ZRANB3: variants seen among roughly 807,000 people sequenced by gnomAD.
ZRANB3 encodes zinc finger RANBP2-type containing 3.
A neutral mutation model predicts 133.8 loss-of-function variants in ZRANB3; 125 were observed. The ratio of observed to expected loss-of-function variants is 0.93; its 90% CI spans 0.81 to 1.08. ZRANB3 has a LOEUF of 1.08. ZRANB3 is among the 50% of genes least tolerant of loss of function. ZRANB3 has a pLI of 0.00. For missense variants in ZRANB3, 1,229 were observed against 1,275.5 expected (o/e 0.96, Z 0.56); for synonymous variants, 387 against 432.7 (o/e 0.89, Z 1.31).
At chr2:135,286,919 AT>A (rs1371231193) in intron 8 of ZRANB3, among the ~76,000 whole-genome samples, 4 of 152,010 alleles carry the variant, frequency 2.6e-5, no homozygotes, top group Non-Finnish European at 5.9e-5. Flanking sequence ...AAGCTTTTAC[AT>A]TTATTTAAGT....
At chr2:135,276,268 G>A (rs1235243904) in intron 8 of ZRANB3, among the ~76,000 whole-genome samples, 2 of 147,740 alleles carry the variant, frequency 1.4e-5, no homozygotes, top group African/African-American at 5.0e-5. Context: ...AAGAAACTTA[G>A]GTAGACTTAC....
Position 135,315,474 on chromosome 2 carries a change from A to C in ZRANB3, c.734T>G (p.Leu245Arg). ...DCRGASNLNE[L>R]HQLLSDIMIR... Reference sequence around the variant, plus strand: ...CATTATGTCACTTAATAGCTGGTGAAGTTCATTAAGATTTGATGCCCCTCT... The same window carrying C: ...CATTATGTCACTTAATAGCTGGTGACGTTCATTAAGATTTGATGCCCCTCT... Residue 245 changes from leucine (L) to arginine (R), a missense_variant, in exon 7 of 21, where the codon CTT becomes CGT. By Grantham distance (102) the Leu-to-Arg change is moderately radical. Coordinates refer to ENST00000264159, the MANE Select transcript of ZRANB3 (RefSeq NM_032143.4). 1 of 1,594,104 alleles carries C rather than the reference A, an allele frequency of 6.3e-7. No homozygotes were observed. The highest frequency in any genetic ancestry group is 8.5e-7 in the Non-Finnish European group (1 of 1,172,180).
At chr2:135,433,216 G>A (rs982567483) in intron 2 of ZRANB3, among the ~76,000 whole-genome samples, 3 of 152,086 alleles carry the variant, frequency 2.0e-5, no homozygotes, top group East Asian at 1.9e-4. Context: ...GTGAAACTCC[G>A]TCTCTACAGA....
chr2:135,227,263 GA>G, intron 14 of ZRANB3, among the ~76,000 whole-genome samples: 1 of 152,286 alleles, frequency 6.6e-6, no homozygotes, highest in Middle Eastern at 3.4e-3. Flanking sequence ...TATAAATAAT[GA>G]ATGGAATCAA....
intron 3 of ZRANB3, among the ~76,000 whole-genome samples, chr2:135,356,235 A>G (rs368643872): frequency 6.6e-6 from 1 of 152,202 alleles, no homozygotes; most frequent in Non-Finnish European, 1.5e-5. Context: ...GGGTAACTAT[A>G]GTTAATAACA....
chr2:135,413,441 T>C (rs1245923085), intron 2 of ZRANB3, among the ~76,000 whole-genome samples: 1 of 152,204 alleles, frequency 6.6e-6, no homozygotes, highest in East Asian at 1.9e-4. Context: ...CATTTGAAGC[T>C]ACCATCCTCT....
intron 3 of ZRANB3, among the ~76,000 whole-genome samples, chr2:135,382,866 C>T (rs954773550): frequency 6.6e-6 from 1 of 152,156 alleles, no homozygotes; most frequent in Non-Finnish European, 1.5e-5. Context: ...GGAAAAACCA[C>T]TACAAGCCAC....
intron 17 of ZRANB3, among the ~76,000 whole-genome samples, chr2:135,215,424 A>G (rs1476914477): frequency 6.6e-6 from 1 of 151,702 alleles, no homozygotes; most frequent in Non-Finnish European, 1.5e-5. Context: ...TGGCTAATTT[A>G]TCTGTTTTTT....
At chr2:135,212,645 G>C (rs896577980) in intron 17 of ZRANB3, among the ~76,000 whole-genome samples, 8 of 152,172 alleles carry the variant, frequency 5.3e-5, no homozygotes, top group Non-Finnish European at 1.2e-4. Flanking sequence ...AGGTTTGCTA[G>C]GAAGTTCACC....
intron 2 of ZRANB3, among the ~76,000 whole-genome samples, chr2:135,502,887 T>A (rs1693009142): frequency 6.6e-6 from 1 of 152,180 alleles, no homozygotes; most frequent in Admixed American, 6.6e-5. Flanking sequence ...AAGTGTCAAC[T>A]AACAGCTATA....
chr2:135,489,263 G>A (rs1692268514), intron 2 of ZRANB3, among the ~76,000 whole-genome samples: 1 of 134,022 alleles, frequency 7.5e-6, no homozygotes. Context: ...TGAACAATGA[G>A]AACACACGGA....
At chr2:135,314,752 CT>C (rs11305622) in intron 7 of ZRANB3, among the ~76,000 whole-genome samples, 15,696 of 143,288 alleles carry the variant, frequency 0.11, 976 homozygotes, top group South Asian at 0.32. Context: ...ATTTAGAATT[CT>C]TTTTTTTTTT....
At chr2:135,269,220 G>T in intron 10 of ZRANB3, 79 bp from the exon 11 acceptor site, 1 of 1,199,108 alleles carries the variant, frequency 8.3e-7, no homozygotes, top group Non-Finnish European at 1.1e-6. Flanking sequence ...CATGTTAAAT[G>T]GAGAACACTG....
At chr2:135,484,514 A>G (rs1279239415) in intron 2 of ZRANB3, among the ~76,000 whole-genome samples, 7 of 152,058 alleles carry the variant, frequency 4.6e-5, no homozygotes, top group African/African-American at 1.7e-4. Context: ...ATAAATATGA[A>G]TTAATAAAAA....
chr2:135,286,250 G>A (rs1681358206), intron 8 of ZRANB3, among the ~76,000 whole-genome samples: 1 of 152,042 alleles, frequency 6.6e-6, no homozygotes, highest in Non-Finnish European at 1.5e-5. Context: ...AGTTCCCAAA[G>A]TCCCATTGTA....
intron 12 of ZRANB3, among the ~76,000 whole-genome samples, chr2:135,250,415 G>A (rs1355902882): frequency 6.6e-6 from 1 of 152,228 alleles, no homozygotes; most frequent in Admixed American, 6.5e-5. Context: ...GCAGAAATTT[G>A]CATAAGTAGC....
At chr2:135,460,054 T>C (rs1253135593) in intron 2 of ZRANB3, among the ~76,000 whole-genome samples, 2 of 151,692 alleles carry the variant, frequency 1.3e-5, no homozygotes, top group Non-Finnish European at 2.9e-5. Context: ...TATTCAAGGG[T>C]GTAAAGGTGG....
At chr2:135,222,923 C>T (rs1173784027) in intron 15 of ZRANB3, among the ~76,000 whole-genome samples, 7 of 148,374 alleles carry the variant, frequency 4.7e-5, no homozygotes, top group African/African-American at 1.7e-4. Flanking sequence ...CCAGTCTGGG[C>T]AACACAGCAA....
At chr2:135,239,962 A>ACTCC (rs1695479165) in intron 12 of ZRANB3, among the ~76,000 whole-genome samples, 2 of 151,940 alleles carry the variant, frequency 1.3e-5, no homozygotes, top group Non-Finnish European at 2.9e-5. Context: ...CAGCCTGGGC[A>ACTCC]ATGGAGCAAG....
Sources: allele counts gnomAD v4.1 joint callset (sites outside exome capture counted in the v4.1 genomes callset), GRCh38; gene constraint gnomAD v4.1.1; transcripts MANE v1.5; gene names NCBI Gene and HGNC (gene_info 2026-07-23, HGNC 2026-07-21).